Variants in HS6ST3 observed in about 807,000 individuals in gnomAD.
HS6ST3 encodes heparan-sulfate 6-O-sulfotransferase 3.
A neutral mutation model predicts 36.7 loss-of-function variants in HS6ST3; 12 were observed. The observed-to-expected ratio is 0.33, with a 90% CI of 0.21 to 0.53. The LOEUF is 0.53. HS6ST3 is among the 20% of genes least tolerant of loss of function. The probability of loss-of-function intolerance (pLI) is 0.95; values close to 1 mark genes in which losing one functional copy is unlikely to be tolerated. For synonymous variants in HS6ST3, 240 were observed against 257.5 expected (o/e 0.93, Z 0.65); for missense variants, 584 against 640.9 (o/e 0.91, Z 0.96).
intron 1 of HS6ST3, among the ~76,000 whole-genome samples, chr13:96,661,689 C>T (rs2139019601): frequency 6.6e-6 from 1 of 152,220 alleles, no homozygotes. Context: ...CTTCATAAGA[C>T]CTGTGAGATT....
intron 1 of HS6ST3, among the ~76,000 whole-genome samples, chr13:96,787,125 G>T (rs1877671835): frequency 6.6e-6 from 1 of 152,138 alleles, no homozygotes; most frequent in South Asian, 2.1e-4. Context: ...CTATTCACCT[G>T]TTGGGGGAGA....
At chr13:96,195,730 G>A (rs992829936) in intron 1 of HS6ST3, among the ~76,000 whole-genome samples, 9 of 152,146 alleles carry the variant, frequency 5.9e-5, no homozygotes, top group African/African-American at 1.9e-4. Flanking sequence ...GGCTATTTCC[G>A]TCAATTATCA....
In HS6ST3 at chr13:96,090,798, C is replaced by T. The variant is rs1432826611; in HGVS notation, c.-65C>T. 105 of 1,338,246 alleles carry T rather than the reference C, an allele frequency of 7.8e-5. No individual in the cohort carries two copies. Among genetic ancestry groups the T allele is most frequent in the Non-Finnish European group, 9.5e-5 (98 of 1,029,042 alleles). The allele number at this position is 1,338,246 out of a possible 1,614,324, so 82.9% of individuals were successfully genotyped here. A position where few individuals can be genotyped will look rare whatever the true frequency, so the allele number is the denominator to read the frequency against. ...CCCCGGAGTCCGCGAAACTTCCGAG[C>T]GGGCGCCCGTCCGCCCTGCCGCCGC... On this transcript the variant is annotated 5_prime_UTR_variant, in exon 1 of 2. Coordinates refer to ENST00000376705, the MANE Select transcript of HS6ST3 (RefSeq NM_153456.4).
intron 1 of HS6ST3, among the ~76,000 whole-genome samples, chr13:96,326,733 A>G (rs1207295963): frequency 6.6e-6 from 1 of 152,104 alleles, no homozygotes; most frequent in Non-Finnish European, 1.5e-5. Context: ...TTCTAGTTCT[A>G]GATCCCTGAG....
chr13:96,742,845 C>G (rs914181194), intron 1 of HS6ST3, among the ~76,000 whole-genome samples: 1 of 152,018 alleles, frequency 6.6e-6, no homozygotes, highest in Non-Finnish European at 1.5e-5. Context: ...TATCAGTTTT[C>G]GCTATAGCTC....
chr13:96,655,826 C>T (rs977450398), intron 1 of HS6ST3, among the ~76,000 whole-genome samples: 2 of 152,078 alleles, frequency 1.3e-5, no homozygotes, highest in African/African-American at 4.8e-5. Flanking sequence ...GAAGAGCTTT[C>T]TCCTAATCTT....
At position 96,119,504 on chromosome 13, in the gene HS6ST3, C is replaced by T. The variant is rs981330266; in HGVS notation, c.707+27935C>T. Reference sequence around the variant, plus strand: ...AGAGTTCAGGATAGCAAAATTGAGACTCAGGACAAATTTGGGCGGATAATA... The same window carrying T: ...AGAGTTCAGGATAGCAAAATTGAGATTCAGGACAAATTTGGGCGGATAATA... On this transcript the variant is annotated intron_variant, in intron 1 of 1. Transcript: ENST00000376705. 1.2e-4 allele frequency among the ~76,000 whole-genome samples: 19 copies of T among 152,154 alleles called. 1 individual carries two copies. The highest frequency in any genetic ancestry group is 1.2e-3 in the South Asian group (6 of 4,812).
intron 1 of HS6ST3, among the ~76,000 whole-genome samples, chr13:96,244,805 G>A (rs985204546): frequency 6.6e-6 from 1 of 152,138 alleles, no homozygotes; most frequent in African/African-American, 2.4e-5. Flanking sequence ...ACAGAAGTCT[G>A]CCAAATATGA....
At chr13:96,355,462 G>T (rs2055205959) in intron 1 of HS6ST3, among the ~76,000 whole-genome samples, 1 of 151,632 alleles carries the variant, frequency 6.6e-6, no homozygotes, top group East Asian at 1.9e-4. Context: ...GTTCCTGACT[G>T]CCACCATAAA....
chr13:96,150,724 C>A (rs1378634353), intron 1 of HS6ST3, among the ~76,000 whole-genome samples: 4 of 152,078 alleles, frequency 2.6e-5, no homozygotes, highest in Non-Finnish European at 5.9e-5. Context: ...GAGCAGGATG[C>A]CCCAATTTTC....
At chr13:96,444,510 G>A (rs1354418262) in intron 1 of HS6ST3, among the ~76,000 whole-genome samples, 1 of 152,124 alleles carries the variant, frequency 6.6e-6, no homozygotes, top group East Asian at 1.9e-4. Context: ...TTTGAGTATA[G>A]CAAACAGCCT....
chr13:96,525,538 T>A (rs1259970241), intron 1 of HS6ST3, among the ~76,000 whole-genome samples: 1 of 152,140 alleles, frequency 6.6e-6, no homozygotes, highest in Non-Finnish European at 1.5e-5. Flanking sequence ...TCCTGATGTT[T>A]TAGTGTTACA....
chr13:96,360,907 C>T (rs2055234952), intron 1 of HS6ST3, among the ~76,000 whole-genome samples: 1 of 146,348 alleles, frequency 6.8e-6, no homozygotes, highest in Non-Finnish European at 1.5e-5. Context: ...GATCTTGCCA[C>T]TGTACTCCAG....
intron 1 of HS6ST3, among the ~76,000 whole-genome samples, chr13:96,747,147 G>C (rs1253242636): frequency 6.6e-6 from 1 of 152,034 alleles, no homozygotes; most frequent in Non-Finnish European, 1.5e-5. Context: ...ATGCATTCCA[G>C]CTTTTAAGTG....
chr13:96,111,597 C>A (rs1253527159), intron 1 of HS6ST3, among the ~76,000 whole-genome samples: 1 of 152,108 alleles, frequency 6.6e-6, no homozygotes, highest in Non-Finnish European at 1.5e-5. Flanking sequence ...CTTAAAGGGA[C>A]ATGGGATGAC....
chr13:96,282,722 C>G (rs1266968806), intron 1 of HS6ST3, among the ~76,000 whole-genome samples: 1 of 152,142 alleles, frequency 6.6e-6, no homozygotes, highest in Admixed American at 6.5e-5. Flanking sequence ...AATTTTTACA[C>G]TGTCTCATGA....
At chr13:96,540,443 T>C (rs1372934968) in intron 1 of HS6ST3, among the ~76,000 whole-genome samples, 2 of 150,626 alleles carry the variant, frequency 1.3e-5, no homozygotes, top group Non-Finnish European at 2.9e-5. Context: ...TTCACTTACA[T>C]TGGATCCATT....
intron 1 of HS6ST3, among the ~76,000 whole-genome samples, chr13:96,534,210 T>G (rs2056146480): frequency 6.6e-6 from 1 of 152,186 alleles, no homozygotes; most frequent in Non-Finnish European, 1.5e-5. Flanking sequence ...TAGACTGGGC[T>G]GGATTCCTGT....
intron 1 of HS6ST3, among the ~76,000 whole-genome samples, chr13:96,769,454 AC>A (rs1160901385): frequency 3.9e-4 from 15 of 38,436 alleles, no homozygotes; most frequent in African/African-American, 1.3e-3. Context: ...CCCTCCCCCC[AC>A]CCCCCCACAT....
Sources: gnomAD v4.1 joint callset for allele counts (sites outside exome capture counted in the v4.1 genomes callset) on GRCh38, gnomAD v4.1.1 for gene constraint, MANE v1.5 for transcripts, NCBI Gene and HGNC (gene_info 2026-07-23, HGNC 2026-07-21) for gene names.